Variants in ZMYND11 observed in about 807,000 individuals in gnomAD.
ZMYND11 encodes zinc finger MYND-type containing 11.
ZMYND11 carries 9 observed loss-of-function variants against 84.9 expected under a neutral mutation model. That is an observed-to-expected ratio of 0.11 (90% CI 0.06 to 0.18). ZMYND11 has a LOEUF of 0.18. ZMYND11 is among the 10% of genes least tolerant of loss of function. ZMYND11 has a pLI of 1.00. For missense variants in ZMYND11, 409 were observed against 761.0 expected (o/e 0.54, Z 5.44); for synonymous variants, 250 against 244.1 (o/e 1.02, Z -0.23).
At chr10:132,317 T>C (rs978109681), upstream of ZMYND11, among the ~76,000 whole-genome samples, 4 of 150,344 alleles carry the variant, frequency 2.7e-5, no homozygotes, top group Non-Finnish European at 5.9e-5. Flanking sequence ...ATATATTTTA[T>C]TGGTCTCTGA....
chr10:144,633 T>A (rs1260198070), intron 1 of ZMYND11, among the ~76,000 whole-genome samples: 1 of 135,088 alleles, frequency 7.4e-6, no homozygotes, highest in Non-Finnish European at 1.6e-5. Flanking sequence ...GCTGAGCGTC[T>A]GAATTCCTTT....
intron 4 of ZMYND11, among the ~76,000 whole-genome samples, chr10:230,665 A>G (rs1404518836): frequency 2.0e-5 from 3 of 152,184 alleles, no homozygotes; most frequent in Non-Finnish European, 4.4e-5. Context: ...TTTCAGTGTC[A>G]TCTGGCAATA....
chr10:252,569 T>C lies in ZMYND11; in HGVS notation c.*99T>C. The C allele has an allele frequency of 6.7e-7, 1 of 1,486,960 alleles. No individual in the cohort carries two copies. The highest frequency in any genetic ancestry group is 8.9e-7 in the Non-Finnish European group (1 of 1,119,956). 92.1% of individuals were successfully genotyped at this position (1,486,960 alleles called of 1,614,324 possible). ...AATTGTTTAGAATTTGCTTCCCATTTTGCACCAGCCTTTAAACACTTTTCG... is the reference window on the plus strand; with the variant it reads ...AATTGTTTAGAATTTGCTTCCCATTCTGCACCAGCCTTTAAACACTTTTCG... On this transcript the variant is annotated 3_prime_UTR_variant, in exon 15 of 15. Transcript: ENST00000381604. The surrounding 1 kb of genome is among the most constrained non-coding windows in gnomAD (Gnocchi z 4.6).
chr10:140,297 T>A (rs782359872), intron 1 of ZMYND11, among the ~76,000 whole-genome samples: 1 of 152,246 alleles, frequency 6.6e-6, no homozygotes, highest in Non-Finnish European at 1.5e-5. Flanking sequence ...TGAATAATCA[T>A]GGCTTAGCTG....
At chr10:174,009 A>T (rs1845985280) in intron 1 of ZMYND11, among the ~76,000 whole-genome samples, 1 of 152,146 alleles carries the variant, frequency 6.6e-6, no homozygotes, top group Non-Finnish European at 1.5e-5. Context: ...GTTGTTATAC[A>T]ACTGAACATT....
chr10:182,675 C>G (rs1848126244), intron 2 of ZMYND11, among the ~76,000 whole-genome samples: 1 of 152,164 alleles, frequency 6.6e-6, no homozygotes. Context: ...CATTGTTTCC[C>G]TGCTAGACAG....
chr10:197,327 G>A (rs1942063775), intron 2 of ZMYND11, among the ~76,000 whole-genome samples: 1 of 152,230 alleles, frequency 6.6e-6, no homozygotes, highest in African/African-American at 2.4e-5. Context: ...CATACACATG[G>A]TATATTTCAT....
intron 4 of ZMYND11, 81 bp from the exon 5 acceptor site, chr10:236,757 T>G: frequency 8.2e-7 from 1 of 1,222,088 alleles, no homozygotes; most frequent in Non-Finnish European, 1.2e-6. Flanking sequence ...TATCTAAGTG[T>G]TTCATATATG....
At chr10:194,182 G>A (rs1306845666) in intron 2 of ZMYND11, among the ~76,000 whole-genome samples, 2 of 147,884 alleles carry the variant, frequency 1.4e-5, no homozygotes, top group East Asian at 4.0e-4. Context: ...TAGAGTCGGG[G>A]TTTCTTCATG....
rs1014170607 is a variant in ZMYND11, at chr10:230,491, A to C, written c.439-6347A>C. ...CAGTCTCAAAAAAAAAAAAAAAAAA[A>C]AAAAAAAAAACTACAGCCTCCAGGG... On this transcript the variant is annotated intron_variant, in intron 4 of 14. Coordinates refer to ENST00000381604, the MANE Select transcript of ZMYND11 (RefSeq NM_001370100.5). Among the ~76,000 whole-genome samples the C allele has an allele frequency of 4.7e-5, 7 of 150,458 alleles. 1 individual carries two copies. The highest frequency in any genetic ancestry group is 2.1e-4 in the South Asian group (1 of 4,772).
At chr10:133,441 G>C (rs1213238407), upstream of ZMYND11, among the ~76,000 whole-genome samples, 1 of 151,958 alleles carries the variant, frequency 6.6e-6, no homozygotes, top group African/African-American at 2.4e-5. Flanking sequence ...GGAAAATCAG[G>C]GTAAGTTATC....
intron 4 of ZMYND11, among the ~76,000 whole-genome samples, chr10:235,009 T>A (rs990895442): frequency 1.3e-5 from 2 of 151,670 alleles, no homozygotes; most frequent in Non-Finnish European, 2.9e-5. Context: ...TGTGTGTGTG[T>A]GAAAAGCACT....
At chr10:174,546 C>CA (rs1261948241) in intron 1 of ZMYND11, among the ~76,000 whole-genome samples, 2 of 151,616 alleles carry the variant, frequency 1.3e-5, no homozygotes, top group African/African-American at 4.9e-5. Context: ...ATACATTAGT[C>CA]AAAACCCATG....
In ZMYND11 at chr10:252,520, C is replaced by T. The variant is rs182482931; in HGVS notation, c.*50C>T. 103 of 1,538,586 alleles carry T rather than the reference C, an allele frequency of 6.7e-5. No individual in the cohort carries two copies. The highest frequency in any genetic ancestry group is 1.7e-4 in the South Asian group (14 of 83,290). ...CGATGATTACTCTTTTCAGACACAG[C>T]GGTTTTTGTTTCCAAGAAGCCAAAA... On this transcript the variant is annotated 3_prime_UTR_variant, in exon 15 of 15. Transcript: ENST00000381604. The surrounding 1 kb of genome is among the most constrained non-coding windows in gnomAD (Gnocchi z 4.6).
chr10:190,231 A>G (rs565349067), intron 2 of ZMYND11, among the ~76,000 whole-genome samples: 8 of 152,144 alleles, frequency 5.3e-5, no homozygotes, highest in Admixed American at 1.3e-4. Context: ...TCCAGCCCCT[A>G]GCTTTGCTAG....
At chr10:240,136 T>C (rs536384720) in intron 8 of ZMYND11, 25 bp downstream of exon 8, 7 of 1,533,462 alleles carry the variant, frequency 4.6e-6, no homozygotes, top group Admixed American at 1.9e-5. Context: ...CCAATAGTTA[T>C]ACTCTTTCTA....
At chr10:163,505 T>C (rs1341751378) in intron 1 of ZMYND11, among the ~76,000 whole-genome samples, 1 of 152,216 alleles carries the variant, frequency 6.6e-6, no homozygotes, top group Non-Finnish European at 1.5e-5. Context: ...TCTAACCCTT[T>C]AACGGAATTT....
chr10:189,350 A>G (rs1312730744), intron 2 of ZMYND11, among the ~76,000 whole-genome samples: 1 of 152,190 alleles, frequency 6.6e-6, no homozygotes, highest in African/African-American at 2.4e-5. Flanking sequence ...CTCACTGTCA[A>G]TTTCTCTTCC....
intron 2 of ZMYND11, among the ~76,000 whole-genome samples, chr10:196,031 C>T (rs1332734007): frequency 1.3e-5 from 2 of 152,170 alleles, no homozygotes; most frequent in African/African-American, 4.8e-5. Context: ...GTACTGTTCC[C>T]TGATGACGTA....
Sources: gnomAD v4.1 joint callset for allele counts (sites outside exome capture counted in the v4.1 genomes callset) on GRCh38, gnomAD v4.1.1 for gene constraint, Gnocchi (gnomAD v3.1) non-coding constraint, MANE v1.5 for transcripts, NCBI Gene and HGNC (gene_info 2026-07-23, HGNC 2026-07-21) for gene names.